Variants in ZZZ3 observed in about 807,000 individuals in gnomAD.
ZZZ3 encodes zinc finger ZZ-type containing 3.
A neutral mutation model predicts 95.2 loss-of-function variants in ZZZ3; 22 were observed. That is an observed-to-expected ratio of 0.23 (90% CI 0.17 to 0.33). ZZZ3 has a LOEUF of 0.33. Among genes scored for constraint, ZZZ3 ranks in the 10% least tolerant of loss-of-function variants. The probability of loss-of-function intolerance (pLI) is 1.00; values close to 1 mark genes in which losing one functional copy is unlikely to be tolerated. For synonymous variants in ZZZ3, 335 were observed against 358.9 expected (o/e 0.93, Z 0.75); for missense variants, 885 against 1,066.5 (o/e 0.83, Z 2.37).
At chr1:77,622,932 T>A (rs981367494) in intron 5 of ZZZ3, among the ~76,000 whole-genome samples, 2 of 152,240 alleles carry the variant, frequency 1.3e-5, no homozygotes, top group African/African-American at 4.8e-5. Flanking sequence ...AACTGCAGGC[T>A]TGGGTTTGAG....
At chr1:77,596,947 T>C (rs966770434) in intron 5 of ZZZ3, among the ~76,000 whole-genome samples, 3 of 152,082 alleles carry the variant, frequency 2.0e-5, no homozygotes, top group Non-Finnish European at 4.4e-5. Flanking sequence ...CACAATTTTC[T>C]TGCTCTATCA....
chr1:77,657,074 G>A (rs1001139511), intron 1 of ZZZ3, among the ~76,000 whole-genome samples: 4 of 152,222 alleles, frequency 2.6e-5, no homozygotes, highest in East Asian at 3.9e-4. Context: ...TCCGCCTCCC[G>A]GGTTCAAGTG....
chr1:77,568,295 T>A (rs1557683649), intron 13 of ZZZ3, 37 bp downstream of exon 13: 1 of 1,349,464 alleles, frequency 7.4e-7, no homozygotes, highest in African/African-American at 1.6e-5. Context: ...AATAAATAAA[T>A]AAAATGAAAT....
At chr1:77,577,624 T>C (rs1662091242) in intron 11 of ZZZ3, among the ~76,000 whole-genome samples, 1 of 152,204 alleles carries the variant, frequency 6.6e-6, no homozygotes, top group Non-Finnish European at 1.5e-5. Flanking sequence ...GCACTAGATA[T>C]ACTCTTAGCT....
intron 5 of ZZZ3, among the ~76,000 whole-genome samples, chr1:77,587,583 G>C (rs1663228317): frequency 2.0e-5 from 3 of 152,250 alleles, no homozygotes; most frequent in South Asian, 4.1e-4. Context: ...ATATTAATGG[G>C]GGAGGTGCCG....
chr1:77,623,108 C>G (rs185412784), intron 5 of ZZZ3, among the ~76,000 whole-genome samples: 1 of 152,246 alleles, frequency 6.6e-6, no homozygotes, highest in African/African-American at 2.4e-5. Context: ...AGACAACAGA[C>G]AGCATGTAAC....
At chr1:77,670,936 C>A in intron 1 of ZZZ3, among the ~76,000 whole-genome samples, 1 of 150,094 alleles carries the variant, frequency 6.7e-6, no homozygotes, top group South Asian at 2.1e-4. Context: ...CCCAGCTACC[C>A]AAGAAGCAGG....
chr1:77,602,392 T>C (rs1181630426), intron 5 of ZZZ3, among the ~76,000 whole-genome samples: 1 of 152,200 alleles, frequency 6.6e-6, no homozygotes, highest in Admixed American at 6.5e-5. Flanking sequence ...CCAACAGCAG[T>C]ACAGAGTGCA....
At position 77,672,627 on chromosome 1, in the gene ZZZ3, G is replaced by A. The variant is rs752045119; in HGVS notation, c.-403+9958C>T. ...TATTTAAAACAAACAACTTTCAGGC[G>A]ATTATGATGAATGATAAATACTGAG... On this transcript the variant is annotated intron_variant, in intron 1 of 14. Transcript: ENST00000370801. Among the ~76,000 whole-genome samples the A allele has an allele frequency of 3.3e-5, 5 of 152,172 alleles. No individual in the cohort carries two copies. The South Asian group carries it at 6.2e-4, about 19-fold the overall frequency.
intron 5 of ZZZ3, among the ~76,000 whole-genome samples, chr1:77,593,405 A>T (rs1021237540): frequency 1.3e-5 from 2 of 152,230 alleles, no homozygotes; most frequent in African/African-American, 4.8e-5. Flanking sequence ...ACACATACAA[A>T]TATCACAAAC....
At chr1:77,579,415 ACT>A in intron 10 of ZZZ3, 110 bp downstream of exon 10, 1 of 767,456 alleles carries the variant, frequency 1.3e-6, no homozygotes, top group Non-Finnish European at 2.2e-6. Flanking sequence ...ATACTACAGC[ACT>A]CTGTAGCTGA....
chr1:77,616,057 T>C (rs1317953870), intron 5 of ZZZ3, among the ~76,000 whole-genome samples: 2 of 152,184 alleles, frequency 1.3e-5, no homozygotes, highest in Admixed American at 1.3e-4. Flanking sequence ...GTTATTTTTA[T>C]CTAATAATTT....
Position 77,670,271 on chromosome 1 carries a change from T to TG in ZZZ3, c.-403+12313_-403+12314insC, listed in dbSNP as rs1193048963. Among the ~76,000 whole-genome samples, 372 of 151,188 alleles carry TG rather than the reference T, an allele frequency of 2.5e-3. 2 individuals are homozygous for TG. The highest frequency in any genetic ancestry group is 8.3e-3 in the African/African-American group (342 of 41,162). On this transcript the variant is annotated intron_variant, in intron 1 of 14. Transcript: ENST00000370801. ...CATACAACATGCAATTTTTTTTTTT[T>TG]TGGGGGGGGGCAGAGTCTCGCTCTG... is the stretch of plus-strand genomic sequence containing the variant.
intron 5 of ZZZ3, among the ~76,000 whole-genome samples, chr1:77,619,121 C>A (rs1666609392): frequency 6.6e-6 from 1 of 152,134 alleles, no homozygotes; most frequent in African/African-American, 2.4e-5. Context: ...TTTTAGATTA[C>A]CTATTCTATG....
intron 5 of ZZZ3, among the ~76,000 whole-genome samples, chr1:77,602,507 A>G (rs568508253): frequency 1.3e-5 from 2 of 152,182 alleles, no homozygotes; most frequent in Admixed American, 1.3e-4. Context: ...ATCCTAAATC[A>G]TAATGCCAGT....
Position 77,634,336 on chromosome 1 carries a change from G to T in ZZZ3, c.-51-931C>A, listed in dbSNP as rs184486204. Among the ~76,000 whole-genome samples the T allele has an allele frequency of 3.7e-3, 565 of 152,164 alleles. 9 individuals carry two copies. Among genetic ancestry groups the T allele is most frequent in the South Asian group, 0.031 (150 of 4,814 alleles). On this transcript the variant is annotated intron_variant, in intron 4 of 14. Coordinates refer to ENST00000370801, the MANE Select transcript of ZZZ3 (RefSeq NM_015534.6). Reference sequence around the variant, plus strand: ...TTTTAATTTACTTTTGCTAAAATGAGTTTCAGATCAAATCCCTTAATAATA... The same window carrying T: ...TTTTAATTTACTTTTGCTAAAATGATTTTCAGATCAAATCCCTTAATAATA...
chr1:77,570,807 G>A (rs975236441), intron 12 of ZZZ3, among the ~76,000 whole-genome samples: 9 of 148,974 alleles, frequency 6.0e-5, no homozygotes, highest in Middle Eastern at 3.2e-3. Flanking sequence ...GATGACAGGC[G>A]CACACCACCA....
At chr1:77,626,864 CAT>C (rs1281729172) in intron 5 of ZZZ3, among the ~76,000 whole-genome samples, 1 of 152,118 alleles carries the variant, frequency 6.6e-6, no homozygotes, top group Non-Finnish European at 1.5e-5. Flanking sequence ...AAGCTACAGC[CAT>C]AGTTTTATTT....
intron 1 of ZZZ3, among the ~76,000 whole-genome samples, chr1:77,658,515 CT>C (rs111821277): frequency 1.9e-4 from 25 of 131,760 alleles, no homozygotes; most frequent in East Asian, 4.1e-4. Flanking sequence ...CACATCCTGG[CT>C]TTTTTTTTTT....
Sources: allele counts gnomAD v4.1 joint callset (sites outside exome capture counted in the v4.1 genomes callset), GRCh38; gene constraint gnomAD v4.1.1; transcripts MANE v1.5; gene names NCBI Gene and HGNC (gene_info 2026-07-23, HGNC 2026-07-21).